The following NRBF2 variants were observed in gnomAD, a reference collection of about 807,000 sequenced individuals.
NRBF2 encodes nuclear receptor binding factor 2.
NRBF2 carries 12 observed loss-of-function variants against 28.5 expected under a neutral mutation model. The observed-to-expected ratio is 0.42, with a 90% CI of 0.27 to 0.68. The LOEUF (loss-of-function observed/expected upper bound fraction) is 0.68. Among genes scored for constraint, NRBF2 ranks in the 30% least tolerant of loss-of-function variants. NRBF2 has a pLI of 0.24. For missense variants in NRBF2, 274 were observed against 333.5 expected, an observed-to-expected ratio of 0.82 and a Z score of 1.39; for synonymous variants, 102 against 116.5, an observed-to-expected ratio of 0.88 and a Z score of 0.80.
intron 1 of NRBF2, among the ~76,000 whole-genome samples, chr10:63,140,553 A>G (rs1279096969): frequency 6.6e-6 from 1 of 151,952 alleles, no homozygotes; most frequent in African/African-American, 2.4e-5. Flanking sequence ...AGCTGGGACT[A>G]CAGGTGTGCA....
At chr10:63,147,406 C>T (rs375824189) in intron 2 of NRBF2, among the ~76,000 whole-genome samples, 3 of 151,714 alleles carry the variant, frequency 2.0e-5, no homozygotes, top group African/African-American at 7.3e-5. Flanking sequence ...TGCAACTTCC[C>T]GCCTCCTGGT....
Sources: allele counts gnomAD v4.1 joint callset (sites outside exome capture counted in the v4.1 genomes callset), GRCh38; gene constraint gnomAD v4.1.1; transcripts MANE v1.5; gene names NCBI Gene and HGNC (gene_info 2026-07-23, HGNC 2026-07-21).